The following SCX variants were observed in gnomAD, a reference collection of about 807,000 sequenced individuals.
SCX encodes the protein basic helix-loop-helix transcription factor scleraxis.
Under a neutral mutation model 12.2 loss-of-function variants are expected in SCX, and 7 were observed. The observed-to-expected ratio is 0.57, with a 90% CI of 0.33 to 1.08. The LOEUF (loss-of-function observed/expected upper bound fraction) is 1.08, where lower values mean the gene tolerates loss of function less well. SCX is among the 50% of genes least tolerant of loss of function. SCX has a pLI of 0.04. For missense variants in SCX, 342 were observed against 337.2 expected (o/e 1.01, Z -0.11); for synonymous variants, 193 against 163.9 (o/e 1.18, Z -1.36).
In SCX at chr8:144,268,460, AAAC is replaced by A. The variant is rs1217426695; in HGVS notation, c.*321_*323del. On this transcript the variant is annotated 3_prime_UTR_variant, in exon 2 of 2. Coordinates refer to ENST00000567180, the MANE Select transcript of SCX (RefSeq NM_001080514.3). ...AAGTCTGAAAATTTTGTATAATTAA[AAAC>A]AAAACAGTATCTTCCAAATATGGAG... 1 of 521,984 alleles carries A rather than the reference AAAC, an allele frequency of 1.9e-6. No homozygotes were observed. Among genetic ancestry groups the A allele is most frequent in the Non-Finnish European group, 3.4e-6 (1 of 295,122 alleles). 32.3% of individuals were successfully genotyped at this position (521,984 alleles called of 1,614,324 possible). A position where few individuals can be genotyped will look rare whatever the true frequency, so the allele number is the denominator to read the frequency against.
At chr8:144,267,992 A>C (rs1198760449) in intron 1 of SCX, 112 bp from the exon 2 acceptor site, 2 of 1,476,762 alleles carry the variant, frequency 1.4e-6, no homozygotes, top group African/African-American at 1.4e-5. Context: ...AGAGCCGGGA[A>C]GGAGGTGCCT....
Position 144,266,803 on chromosome 8 carries a change from G to A in SCX, c.190G>A (p.Gly64Arg), listed in dbSNP as rs1845380390. The stretch of plus-strand genomic sequence containing the variant: ...GGCGGGGGGCCGGCGGGCCGGGGGC[G>A]GGGGGCCAGGGGGCCGGCCAGGCCG... ...RRAGGRRAGGGGPGGRPGREP... is the reference protein window; with the variant it reads ...RRAGGRRAGGRGPGGRPGREP... Residue 64 changes from glycine to arginine, a missense_variant, in exon 1 of 2, where the codon GGG becomes AGG. Gly to Arg is a moderately radical substitution (Grantham distance 125). This residue lies in a region of SCX where 139 missense variants were observed against 107.8 expected (regional missense o/e 1.29). Transcript: ENST00000567180. The A allele has an allele frequency of 2.7e-5, 31 of 1,137,378 alleles. No homozygotes were observed. Among genetic ancestry groups the A allele is most frequent in the Middle Eastern group, 3.7e-4 (1 of 2,702 alleles). 70.5% of individuals were successfully genotyped at this position (1,137,378 alleles called of 1,614,324 possible). A position where few individuals can be genotyped will look rare whatever the true frequency, so the allele number is the denominator to read the frequency against.
In SCX at chr8:144,266,694, C is replaced by G; in HGVS notation, c.81C>G (p.Asp27Glu). 8.1e-7 allele frequency: 1 copy of G among 1,240,022 alleles called. No individual in the cohort carries two copies. Among genetic ancestry groups the G allele is most frequent in the Non-Finnish European group, 1.0e-6 (1 of 972,422 alleles). 76.8% of individuals were successfully genotyped at this position (1,240,022 alleles called of 1,614,324 possible). Reference protein sequence around the residue: ...PEVSPLSEDEDRGSDSSGSDE... With the variant: ...PEVSPLSEDEERGSDSSGSDE... ...TGAGCCCGCTGTCGGAGGACGAGGA[C>G]CGCGGCAGCGACAGCTCGGGCTCCG... The change falls in exon 1 of 2, where the codon GAC (aspartate) becomes GAG (glutamate). Residue 27 changes from aspartate (D) to glutamate (E), a missense_variant. Asp to Glu is a conservative substitution (Grantham distance 45). Coordinates refer to ENST00000567180, the MANE Select transcript of SCX (RefSeq NM_001080514.3).
rs1845393768 is a variant in SCX at position 144,267,194 on chromosome 8, G to A, written c.567+14G>A. 1.3e-6 allele frequency: 2 copies of A among 1,503,556 alleles called. No homozygotes were observed. The highest frequency in any genetic ancestry group is 1.8e-6 in the Non-Finnish European group (2 of 1,137,896). 93.1% of individuals were successfully genotyped at this position (1,503,556 alleles called of 1,614,324 possible). ...CAGAGAAAGTTGGTGAGCACGGGCC[G>A]TGGGGCGCCGAGGGGGGCCTCCAAC... On this transcript the variant is annotated intron_variant, in intron 1 of 1. Coordinates refer to ENST00000567180, the MANE Select transcript of SCX (RefSeq NM_001080514.3).
rs1298874971 is a variant in SCX, at chr8:144,267,048, C to T, written c.435C>T (p.Ser145=). 1.9e-5 allele frequency: 29 copies of T among 1,499,752 alleles called. No homozygotes were observed. The East Asian group carries it at 4.6e-4, about 24-fold the overall frequency. 92.9% of individuals were successfully genotyped at this position (1,499,752 alleles called of 1,614,324 possible). The change falls in exon 1 of 2, where the codon TCC becomes TCT. Residue 145 remains serine, a synonymous_variant. Coordinates refer to ENST00000567180, the MANE Select transcript of SCX (RefSeq NM_001080514.3). ...EACGDGQPCH[S]GPAFFHAARA... ...GCGGCGACGGACAGCCCTGCCACTCCGGGCCCGCCTTCTTCCACGCGGCGC... is the reference window on the plus strand; with the variant it reads ...GCGGCGACGGACAGCCCTGCCACTCTGGGCCCGCCTTCTTCCACGCGGCGC...
At position 144,267,009 on chromosome 8, in the gene SCX, G is replaced by C. The variant is rs1845385710; in HGVS notation, c.396G>C (p.Leu132=). ...TCTCGCACCTGGGCAACGTGCTGCT[G>C]GCGGGCGAGGCCTGCGGCGACGGAC... The part of the protein sequence containing the change: ...SYISHLGNVL[L]AGEACGDGQP... Residue 132 remains leucine, a synonymous_variant, in exon 1 of 2, where the codon CTG becomes CTC. Transcript: ENST00000567180. 6.5e-7 allele frequency: 1 copy of C among 1,537,154 alleles called. No individual in the cohort carries two copies.
chr8:144,268,278 C>T lies in SCX; in HGVS notation c.*136C>T, dbSNP rs977627678. The T allele has an allele frequency of 6.2e-5, 79 of 1,284,000 alleles. No individual in the cohort carries two copies. The highest frequency in any genetic ancestry group is 3.7e-4 in the Admixed American group (17 of 46,408). 79.5% of individuals were successfully genotyped at this position (1,284,000 alleles called of 1,614,324 possible). On this transcript the variant is annotated 3_prime_UTR_variant, in exon 2 of 2. Transcript: ENST00000567180. ...CATGCCCCCAGGCCAGCCCTGGCTG[C>T]GAGCGGGGCCGAGGGACAGACGGAC...
chr8:144,267,429 G>A (rs1441972005), intron 1 of SCX, among the ~76,000 whole-genome samples: 1 of 152,220 alleles, frequency 6.6e-6, no homozygotes, highest in Non-Finnish European at 1.5e-5. Flanking sequence ...GTAAGAGCTA[G>A]GGATGGCCAA....
rs1845427090 is a variant in SCX at position 144,268,271 on chromosome 8, C to G, written c.*129C>G. The G allele has an allele frequency of 7.2e-7, 1 of 1,391,862 alleles. No homozygotes were observed. The highest frequency in any genetic ancestry group is 1.3e-5 in the South Asian group (1 of 75,848). The allele number at this position is 1,391,862 out of a possible 1,614,324, so 86.2% of individuals were successfully genotyped here. Reference sequence around the variant, plus strand: ...CCGCAAGCATGCCCCCAGGCCAGCCCTGGCTGCGAGCGGGGCCGAGGGACA... The same window carrying G: ...CCGCAAGCATGCCCCCAGGCCAGCCGTGGCTGCGAGCGGGGCCGAGGGACA... On this transcript the variant is annotated 3_prime_UTR_variant, in exon 2 of 2. Transcript: ENST00000567180.
At chr8:144,267,621 G>A (rs895156982) in intron 1 of SCX, among the ~76,000 whole-genome samples, 7 of 152,226 alleles carry the variant, frequency 4.6e-5, no homozygotes. Context: ...AAGCCATCTT[G>A]GGCACCTGCT....
rs1845386882 is a variant in SCX, at chr8:144,267,027, C to G, written c.414C>G (p.Gly138=). ...TGCTGCTGGCGGGCGAGGCCTGCGG[C>G]GACGGACAGCCCTGCCACTCCGGGC... The part of the protein sequence containing the change: ...GNVLLAGEAC[G]DGQPCHSGPA... Residue 138 remains glycine, a synonymous_variant, in exon 1 of 2, where the codon GGC becomes GGG. Transcript: ENST00000567180. 6.6e-7 allele frequency: 1 copy of G among 1,518,680 alleles called. No individual in the cohort carries two copies. Among genetic ancestry groups the G allele is most frequent in the African/African-American group, 1.4e-5 (1 of 69,592 alleles). 94.1% of individuals were successfully genotyped at this position (1,518,680 alleles called of 1,614,324 possible).
chr8:144,266,820 G>C lies in SCX; in HGVS notation c.207G>C (p.Arg69=). The change falls in exon 1 of 2, where the codon CGG becomes CGC. Residue 69 remains arginine, a synonymous_variant. Coordinates refer to ENST00000567180, the MANE Select transcript of SCX (RefSeq NM_001080514.3). Reference sequence around the variant, plus strand: ...CCGGGGGCGGGGGGCCAGGGGGCCGGCCAGGCCGTGAGCCCCGGCAGCGGC... The same window carrying C: ...CCGGGGGCGGGGGGCCAGGGGGCCGCCCAGGCCGTGAGCCCCGGCAGCGGC... ...RRAGGGGPGG[R]PGREPRQRHT... 3 of 1,231,564 alleles carry C rather than the reference G, an allele frequency of 2.4e-6. No individual in the cohort carries two copies. The highest frequency in any genetic ancestry group is 3.1e-6 in the Non-Finnish European group (3 of 975,042). 76.3% of individuals were successfully genotyped at this position (1,231,564 alleles called of 1,614,324 possible).
rs1588590958 is a variant in SCX, at chr8:144,266,619, C to T, written c.6C>T (p.Ser2=). 1.6e-6 allele frequency: 2 copies of T among 1,212,260 alleles called. No homozygotes were observed. The highest frequency in any genetic ancestry group is 3.0e-5 in the South Asian group (2 of 66,164). The allele number at this position is 1,212,260 out of a possible 1,614,324, so 75.1% of individuals were successfully genotyped here. The part of the protein sequence containing the change: M[S]FATLRPAPPG... ...GCCGCGCCCCCGCCGGCCCCATGTC[C>T]TTCGCCACGCTGCGCCCGGCGCCGC... The change falls in exon 1 of 2, where the codon TCC becomes TCT. Residue 2 remains serine, a synonymous_variant. Transcript: ENST00000567180.
rs1361496402 is a variant in SCX, at chr8:144,266,661, C to T, written c.48C>T (p.Tyr16=). The change falls in exon 1 of 2, where the codon TAC becomes TAT. Residue 16 remains tyrosine, a synonymous_variant. Coordinates refer to ENST00000567180, the MANE Select transcript of SCX (RefSeq NM_001080514.3). The part of the protein sequence containing the change: ...LRPAPPGRYL[Y]PEVSPLSEDE... ...CGGCGCCGCCGGGCCGCTACCTGTA[C>T]CCCGAGGTGAGCCCGCTGTCGGAGG... is the stretch of plus-strand genomic sequence containing the variant. The T allele has an allele frequency of 1.6e-6, 2 of 1,260,900 alleles. No individual in the cohort carries two copies. Among genetic ancestry groups the T allele is most frequent in the Non-Finnish European group, 1.0e-6 (1 of 983,674 alleles). The allele number at this position is 1,260,900 out of a possible 1,614,324, so 78.1% of individuals were successfully genotyped here. A position where few individuals can be genotyped will look rare whatever the true frequency, so the allele number is the denominator to read the frequency against.
chr8:144,266,566 G>A lies in SCX; in HGVS notation c.-48G>A. 2 of 1,009,482 alleles carry A rather than the reference G, an allele frequency of 2.0e-6. No individual in the cohort carries two copies. The highest frequency in any genetic ancestry group is 4.4e-5 in the South Asian group (1 of 22,796). The allele number at this position is 1,009,482 out of a possible 1,614,324, so 62.5% of individuals were successfully genotyped here. On this transcript the variant is annotated 5_prime_UTR_variant, in exon 1 of 2. Transcript: ENST00000567180. The stretch of plus-strand genomic sequence containing the variant: ...GAGGCCCGCGGCGGCCGCAGGAGGC[G>A]GCATGAGCAGCGCGCGACAGAGCTG...
chr8:144,267,679 G>A (rs1328944062), intron 1 of SCX, among the ~76,000 whole-genome samples: 3 of 152,284 alleles, frequency 2.0e-5, no homozygotes, highest in Non-Finnish European at 2.9e-5. Context: ...GTCCTGTAGG[G>A]CTGCCCGAGA....
intron 1 of SCX, among the ~76,000 whole-genome samples, chr8:144,267,594 C>T (rs1003671269): frequency 6.6e-6 from 1 of 152,268 alleles, no homozygotes; most frequent in Non-Finnish European, 1.5e-5. Context: ...TTAGCCCCTG[C>T]GGCCCAGCAC....
chr8:144,267,873 G>A (rs1218669842), intron 1 of SCX, among the ~76,000 whole-genome samples: 1 of 152,234 alleles, frequency 6.6e-6, no homozygotes, highest in Non-Finnish European at 1.5e-5. Flanking sequence ...TTCCTCTCCA[G>A]ACAGCACGCG....
chr8:144,266,638 G>A lies in SCX; in HGVS notation c.25G>A (p.Ala9Thr). Residue 9 changes from alanine to threonine, a missense_variant, in exon 1 of 2, where the codon GCG (alanine) becomes ACG (threonine). Ala to Thr is a moderately conservative substitution (Grantham distance 58). Transcript: ENST00000567180. MSFATLRP[A>T]PPGRYLYPEV... is the part of the protein sequence containing the mutation. ...CATGTCCTTCGCCACGCTGCGCCCGGCGCCGCCGGGCCGCTACCTGTACCC... is the reference window on the plus strand; with the variant it reads ...CATGTCCTTCGCCACGCTGCGCCCGACGCCGCCGGGCCGCTACCTGTACCC... 1 of 1,238,896 alleles carries A rather than the reference G, an allele frequency of 8.1e-7. No individual in the cohort carries two copies. 76.7% of individuals were successfully genotyped at this position (1,238,896 alleles called of 1,614,324 possible). A position where few individuals can be genotyped will look rare whatever the true frequency, so the allele number is the denominator to read the frequency against.
Sources: gnomAD v4.1 joint callset for allele counts (sites outside exome capture counted in the v4.1 genomes callset) on GRCh38, gnomAD v4.1.1 for gene constraint, gnomAD v4.1.1 regional missense constraint, MANE v1.5 for transcripts, NCBI Gene and HGNC (gene_info 2026-07-23, HGNC 2026-07-21) for gene names.